PITPNM3: variants seen among roughly 807,000 people sequenced by gnomAD.
The protein encoded by PITPNM3 is membrane-associated phosphatidylinositol transfer protein 3.
Under a neutral mutation model 102.0 loss-of-function variants are expected in PITPNM3, and 26 were observed. That is an observed-to-expected ratio of 0.25 (90% CI 0.19 to 0.35). PITPNM3 has a LOEUF of 0.35. Among genes scored for constraint, PITPNM3 ranks in the 10% least tolerant of loss-of-function variants. The pLI, the probability that PITPNM3 is intolerant of heterozygous loss-of-function variation, is 1.00. For missense variants in PITPNM3, 1,083 were observed against 1,346.1 expected, an observed-to-expected ratio of 0.80 and a Z score of 3.06; for synonymous variants, 578 against 558.6, an observed-to-expected ratio of 1.03 and a Z score of -0.49.
intron 2 of PITPNM3, among the ~76,000 whole-genome samples, chr17:6,535,829 G>C (rs1286578140): frequency 6.6e-6 from 1 of 151,106 alleles, no homozygotes; most frequent in Admixed American, 6.6e-5. Flanking sequence ...AGGCCAAGAC[G>C]GGCAGATCAC....
rs569495876 is a variant in PITPNM3, at chr17:6,522,216, G to A, written c.226+3140C>T. Among the ~76,000 whole-genome samples the A allele has an allele frequency of 4.1e-4, 63 of 152,040 alleles. No individual in the cohort carries two copies. The South Asian group carries it at 5.0e-3, about 12-fold the overall frequency. ...AGACTTCCCCCAAAAAGAAAAGAGA[G>A]GTATGTGTGACCAAGATGAGTTCAC... On this transcript the variant is annotated intron_variant, in intron 3 of 19. Coordinates refer to ENST00000262483, the MANE Select transcript of PITPNM3 (RefSeq NM_031220.4).
intron 9 of PITPNM3, among the ~76,000 whole-genome samples, chr17:6,476,530 A>T (rs912532205): frequency 6.6e-6 from 1 of 152,212 alleles, no homozygotes; most frequent in Non-Finnish European, 1.5e-5. Context: ...GATTAGATAC[A>T]TGAACTTGGG....
In PITPNM3 at chr17:6,455,400, C is replaced by T. The variant is rs1307747055; in HGVS notation, c.2863G>A (p.Glu955Lys). The change falls in exon 20 of 20, where the codon GAG becomes AAG. Residue 955 changes from glutamate to lysine, a missense_variant. Glu to Lys is a moderately conservative substitution (Grantham distance 56). Coordinates refer to ENST00000262483, the MANE Select transcript of PITPNM3 (RefSeq NM_031220.4). Reference sequence around the variant, plus strand: ...CAGCTGAGCGCCGGCAGCGGCCGCTCGTGGTCTTTGTCCGACTCGGGCTGG... The same window carrying T: ...CAGCTGAGCGCCGGCAGCGGCCGCTTGTGGTCTTTGTCCGACTCGGGCTGG... The part of the protein sequence containing the change: ...QSQPESDKDH[E>K]RPLPALSWAR... 1 of 1,599,800 alleles carries T rather than the reference C, an allele frequency of 6.3e-7. No homozygotes were observed. Among genetic ancestry groups the T allele is most frequent in the Non-Finnish European group, 8.5e-7 (1 of 1,175,710 alleles).
In PITPNM3 at chr17:6,503,532, T is replaced by C; in HGVS notation, c.269A>G (p.Lys90Arg). The stretch of plus-strand genomic sequence containing the variant: ...CAGGGTCAGGCTTGACTCACGCTGC[T>C]TCTCCTGGAGGATGCTGGATGTGCA... ...APCTSSILQE[K>R]QRELYRVSLR... is the part of the protein sequence containing the mutation. Residue 90 changes from lysine to arginine, a missense_variant, in exon 4 of 20, where the codon AAG becomes AGG. This residue lies in a region of PITPNM3 where 290 missense variants were observed against 337.8 expected (regional missense o/e 0.86). Transcript: ENST00000262483. The C allele has an allele frequency of 6.2e-7, 1 of 1,612,888 alleles. No individual in the cohort carries two copies. Among genetic ancestry groups the C allele is most frequent in the Non-Finnish European group, 8.5e-7 (1 of 1,180,012 alleles).
intron 4 of PITPNM3, among the ~76,000 whole-genome samples, chr17:6,501,763 T>C (rs2150605712): frequency 6.6e-6 from 1 of 152,304 alleles, no homozygotes; most frequent in East Asian, 1.9e-4. Flanking sequence ...AGCCTTCCTA[T>C]GGCCTGGAAT....
intron 14 of PITPNM3, among the ~76,000 whole-genome samples, chr17:6,467,067 CAA>C (rs1408443729): frequency 2.0e-4 from 1 of 4,954 alleles, no homozygotes; most frequent in South Asian, 6.1e-3. Flanking sequence ...CGTCTCAAAA[CAA>C]AAAAAAAAAA....
intron 15 of PITPNM3, 75 bp from the exon 16 acceptor site, chr17:6,464,393 G>T: frequency 6.6e-7 from 1 of 1,505,548 alleles, no homozygotes; most frequent in Non-Finnish European, 9.1e-7. Context: ...CTGGGCGGGG[G>T]AACTCTGGGC....
At chr17:6,490,003 T>A (rs1422149106) in intron 4 of PITPNM3, among the ~76,000 whole-genome samples, 11 of 148,852 alleles carry the variant, frequency 7.4e-5, no homozygotes, top group Non-Finnish European at 1.5e-4. Context: ...CGAGACTCCA[T>A]CTCAAAAAAA....
intron 4 of PITPNM3, among the ~76,000 whole-genome samples, chr17:6,486,486 CAGCAGGGA>C (rs1274513967): frequency 6.6e-6 from 1 of 152,200 alleles, no homozygotes; most frequent in Non-Finnish European, 1.5e-5. Context: ...AAGCTTTTCT[CAGCAGGGA>C]AGAGCATTTC....
At chr17:6,531,957 T>C (rs7218151) in intron 2 of PITPNM3, among the ~76,000 whole-genome samples, 49,905 of 151,870 alleles carry the variant, frequency 0.33, 8,647 homozygotes, top group Middle Eastern at 0.43. Context: ...ACAAAAAAAA[T>C]CAGCTGGGCC....
chr17:6,494,572 C>G (rs1228330318), intron 4 of PITPNM3, among the ~76,000 whole-genome samples: 1 of 152,200 alleles, frequency 6.6e-6, no homozygotes, highest in African/African-American at 2.4e-5. Flanking sequence ...AGGTGCTCAA[C>G]CTTAGAACCC....
At chr17:6,522,693 G>T (rs948369041) in intron 3 of PITPNM3, among the ~76,000 whole-genome samples, 1 of 152,176 alleles carries the variant, frequency 6.6e-6, no homozygotes, top group East Asian at 1.9e-4. Context: ...GCAACTTGAA[G>T]AAGACAAGAG....
intron 1 of PITPNM3, among the ~76,000 whole-genome samples, chr17:6,547,629 C>T (rs1910092582): frequency 6.6e-6 from 1 of 152,198 alleles, no homozygotes; most frequent in Non-Finnish European, 1.5e-5. Context: ...GACCCCCTTG[C>T]AGAGAGCTGA....
chr17:6,547,864 G>T (rs1248627791), intron 1 of PITPNM3, among the ~76,000 whole-genome samples: 1 of 152,060 alleles, frequency 6.6e-6, no homozygotes, highest in Admixed American at 6.6e-5. Flanking sequence ...AAGTAGCTGG[G>T]ATTACAGGCA....
At chr17:6,520,025 T>A (rs1403480728) in intron 3 of PITPNM3, among the ~76,000 whole-genome samples, 2 of 152,104 alleles carry the variant, frequency 1.3e-5, no homozygotes, top group Non-Finnish European at 2.9e-5. Flanking sequence ...ATAAAAAGGA[T>A]AAACAATCCA....
At chr17:6,518,451 CA>C (rs74413304) in intron 3 of PITPNM3, among the ~76,000 whole-genome samples, 8,941 of 112,394 alleles carry the variant, frequency 0.08, 498 homozygotes, top group East Asian at 0.2. Context: ...GGTAAAAAAG[CA>C]AAAAAAAAAA....
Position 6,455,608 on chromosome 17 carries a change from C to T in PITPNM3, c.2655G>A (p.Ala885=), listed in dbSNP as rs560849297. 2 of 1,576,190 alleles carry T rather than the reference C, an allele frequency of 1.3e-6. No homozygotes were observed. The highest frequency in any genetic ancestry group is 2.9e-5 in the African/African-American group (2 of 68,874). Residue 885 remains alanine, a synonymous_variant, in exon 20 of 20, where the codon GCG becomes GCA. Coordinates refer to ENST00000262483, the MANE Select transcript of PITPNM3 (RefSeq NM_031220.4). ...GGCGTGAGCGGTGGCTGGCCTCCAG[C>T]GCGGCCAGGTGTGCGGCGTAGCCCT... ...LSEGYAAHLA[A]LEASHRSRPK... is the part of the protein sequence containing the mutation.
chr17:6,556,498 G>T lies in PITPNM3; in HGVS notation c.-92C>A. 1 of 893,570 alleles carries T rather than the reference G, an allele frequency of 1.1e-6. No individual in the cohort carries two copies. The highest frequency in any genetic ancestry group is 1.3e-6 in the Non-Finnish European group (1 of 741,246). The allele number at this position is 893,570 out of a possible 1,614,324, so 55.4% of individuals were successfully genotyped here. A position where few individuals can be genotyped will look rare whatever the true frequency, so the allele number is the denominator to read the frequency against. On this transcript the variant is annotated 5_prime_UTR_variant, in exon 1 of 20. Coordinates refer to ENST00000262483, the MANE Select transcript of PITPNM3 (RefSeq NM_031220.4). The surrounding 1 kb of genome is among the most constrained non-coding windows in gnomAD (Gnocchi z 5.2). ...GCCTCCGGCCCCGAACGGACTCCGA[G>T]CGCCGCGCCCGCGCCCCCGCCCCGC...
chr17:6,482,644 G>GT (rs763817796), intron 6 of PITPNM3, among the ~76,000 whole-genome samples: 2 of 152,156 alleles, frequency 1.3e-5, no homozygotes, highest in Non-Finnish European at 2.9e-5. Flanking sequence ...GGGCAGTCTT[G>GT]TGGGACCAAG....
Sources: gnomAD v4.1 joint callset for allele counts (sites outside exome capture counted in the v4.1 genomes callset) on GRCh38, gnomAD v4.1.1 for gene constraint, gnomAD v4.1.1 regional missense constraint, Gnocchi (gnomAD v3.1) non-coding constraint, MANE v1.5 for transcripts, NCBI Gene and HGNC (gene_info 2026-07-23, HGNC 2026-07-21) for gene names.